Variants in FUBP3 observed in about 807,000 individuals in gnomAD.
The protein encoded by FUBP3 is far upstream element-binding protein 3.
Under a neutral mutation model 85.6 loss-of-function variants are expected in FUBP3, and 28 were observed. The ratio of observed to expected loss-of-function variants is 0.33; its 90% CI spans 0.24 to 0.45. FUBP3 has a LOEUF of 0.45. Among genes scored for constraint, FUBP3 ranks in the 20% least tolerant of loss-of-function variants. FUBP3 has a pLI of 1.00. For synonymous variants in FUBP3, 271 were observed against 271.4 expected, an observed-to-expected ratio of 1.00 and a Z score of 0.01; for missense variants, 583 against 755.1, an observed-to-expected ratio of 0.77 and a Z score of 2.67.
chr9:130,619,253 TTTAAC>T (rs58320065), intron 8 of FUBP3, among the ~76,000 whole-genome samples: 27,011 of 151,902 alleles, frequency 0.18, 2,478 homozygotes, highest in Admixed American at 0.22. Flanking sequence ...GGAAAATAAT[TTTAAC>T]TTAACGGGTT....
At chr9:130,614,491 G>T in intron 6 of FUBP3, 146 bp downstream of exon 6, 1 of 566,336 alleles carries the variant, frequency 1.8e-6, no homozygotes, top group Non-Finnish European at 3.2e-6. Context: ...AAAAAAATCT[G>T]GGAGGTTACT....
At chr9:130,624,012 T>C (rs530340827) in intron 11 of FUBP3, among the ~76,000 whole-genome samples, 170 of 151,250 alleles carry the variant, frequency 1.1e-3, no homozygotes, top group African/African-American at 3.7e-3. Context: ...AATAATCAAG[T>C]GTATTTAATG....
Position 130,636,007 on chromosome 9 carries a change from G to A in FUBP3, c.1591G>A (p.Ala531Thr), listed in dbSNP as rs773816008. 54 of 1,613,498 alleles carry A rather than the reference G, an allele frequency of 3.3e-5. No homozygotes were observed. In the Middle Eastern group the frequency reaches 4.9e-4, roughly 15 times the overall value. ...CCTCCTTTGTCAACCAGGTCACGCC[G>A]CCAGCGCTGCTCCTCAGGCCAGCTC... ...EDYYKKQSHA[A>T]SAAPQASSPP... Residue 531 changes from alanine (A) to threonine (T), a missense_variant, in exon 18 of 19, where the codon GCC (alanine) becomes ACC (threonine). Ala to Thr is a moderately conservative substitution (Grantham distance 58). Around this residue, in one of 3 missense-constraint regions of FUBP3, gnomAD observed 404 missense variants for 516.8 expected, o/e 0.78. Coordinates refer to ENST00000319725, the MANE Select transcript of FUBP3 (RefSeq NM_003934.2).
chr9:130,581,863 C>G (rs1478143785), intron 1 of FUBP3: 1 of 152,202 alleles, frequency 6.6e-6, no homozygotes, highest in East Asian at 1.9e-4. Flanking sequence ...GTAATACTCT[C>G]AGTTGACCCT....
chr9:130,612,368 A>G lies in FUBP3; in HGVS notation c.225-88A>G, dbSNP rs1831791336. 1.6e-5 allele frequency: 12 copies of G among 772,246 alleles called. No individual in the cohort carries two copies. In the South Asian group the frequency reaches 1.7e-4, roughly 11 times the overall value. The allele number at this position is 772,246 out of a possible 1,614,324, so 47.8% of individuals were successfully genotyped here. On this transcript the variant is annotated intron_variant, in intron 3 of 18. Coordinates refer to ENST00000319725, the MANE Select transcript of FUBP3 (RefSeq NM_003934.2). This position sits in a 1 kb window ranked among gnomAD's most constrained non-coding sequence, Gnocchi z 4.1. ...ATGTATTTTAAGCTTTTATCATGCA[A>G]CATTGCCAGTATGGGCAGTTTGGGG...
At chr9:130,597,498 T>C (rs1830931478) in intron 2 of FUBP3, among the ~76,000 whole-genome samples, 2 of 152,196 alleles carry the variant, frequency 1.3e-5, no homozygotes, top group Non-Finnish European at 2.9e-5. Context: ...TGCCTCTGCT[T>C]TTCTAAACTT....
intron 2 of FUBP3, among the ~76,000 whole-genome samples, chr9:130,606,823 G>GA (rs1021095992): frequency 1.9e-3 from 274 of 140,958 alleles, no homozygotes; most frequent in African/African-American, 5.0e-3. Flanking sequence ...TCTGTCTCAG[G>GA]AAAAAAAAAA....
At chr9:130,629,709 C>T (rs1401120020) in intron 12 of FUBP3, among the ~76,000 whole-genome samples, 6 of 152,140 alleles carry the variant, frequency 3.9e-5, no homozygotes, top group East Asian at 3.9e-4. Context: ...ACACTGGCCC[C>T]GGTCTTTGCT....
At position 130,618,382 on chromosome 9, in the gene FUBP3, C is replaced by T. The variant is rs113314074; in HGVS notation, c.666+487C>T. On this transcript the variant is annotated intron_variant, in intron 8 of 18. Transcript: ENST00000319725. ...CTCTTCTGGGCTTATTTTGCAAGCC[C>T]TTCAGCTAAGGTTGGAGGTGAGCAC... Among the ~76,000 whole-genome samples, 133 of 152,366 alleles carry T rather than the reference C, an allele frequency of 8.7e-4. 1 individual carries two copies. Among genetic ancestry groups the T allele is most frequent in the Middle Eastern group, 6.8e-3 (2 of 294 alleles).
chr9:130,607,422 G>A (rs981504949), intron 2 of FUBP3, among the ~76,000 whole-genome samples: 3 of 152,136 alleles, frequency 2.0e-5, no homozygotes, highest in African/African-American at 7.2e-5. Flanking sequence ...ACCTGTATAT[G>A]CTGGAATTGC....
intron 2 of FUBP3, among the ~76,000 whole-genome samples, chr9:130,599,359 ATGTG>A (rs10532542): frequency 0.019 from 2,875 of 148,880 alleles, 53 homozygotes; most frequent in African/African-American, 0.049. Flanking sequence ...ATATAAGTAT[ATGTG>A]TGTGTGTGTG....
In FUBP3 at chr9:130,631,908, C is replaced by T. The variant is rs779415899; in HGVS notation, c.1353-34C>T. On this transcript the variant is annotated intron_variant, in intron 14 of 18. Coordinates refer to ENST00000319725, the MANE Select transcript of FUBP3 (RefSeq NM_003934.2). ...AGGGGACGAGCCCTCTGTTGTGAGG[C>T]GCTCAGTCTGTTGTTTCTTTTACCT... 4.8e-6 allele frequency: 7 copies of T among 1,470,360 alleles called. No individual in the cohort carries two copies. The Admixed American group carries it at 5.0e-5, about 11-fold the overall frequency. The allele number at this position is 1,470,360 out of a possible 1,614,324, so 91.1% of individuals were successfully genotyped here. A position where few individuals can be genotyped will look rare whatever the true frequency, so the allele number is the denominator to read the frequency against.
At chr9:130,628,596 G>C (rs117286005) in intron 12 of FUBP3, among the ~76,000 whole-genome samples, 5,052 of 152,224 alleles carry the variant, frequency 0.033, 120 homozygotes, top group Non-Finnish European at 0.052. Flanking sequence ...GGGCCCAGTG[G>C]GGAGGGCCGG....
At chr9:130,595,221 C>T (rs1830811899) in intron 1 of FUBP3, among the ~76,000 whole-genome samples, 2 of 110,528 alleles carry the variant, frequency 1.8e-5, no homozygotes, top group Non-Finnish European at 1.8e-5. Context: ...AGCGAAACTC[C>T]GTCTCAAAAA....
At chr9:130,628,496 A>C (rs1268421766) in intron 12 of FUBP3, among the ~76,000 whole-genome samples, 1 of 152,232 alleles carries the variant, frequency 6.6e-6, no homozygotes, top group Admixed American at 6.5e-5. Flanking sequence ...ATTTTGAAGG[A>C]AGATGAACTT....
intron 8 of FUBP3, among the ~76,000 whole-genome samples, chr9:130,619,523 G>A (rs1318966442): frequency 6.6e-6 from 1 of 152,092 alleles, no homozygotes; most frequent in African/African-American, 2.4e-5. Context: ...ACATTATCTG[G>A]TATCCAGTAC....
chr9:130,589,374 C>T (rs918839362), intron 1 of FUBP3, among the ~76,000 whole-genome samples: 36 of 145,392 alleles, frequency 2.5e-4, no homozygotes, highest in African/African-American at 8.1e-4. Flanking sequence ...GATGGAGTCT[C>T]GCTCTTGTCC....
intron 5 of FUBP3, 124 bp from the exon 6 acceptor site, chr9:130,614,164 T>C (rs2119075599): frequency 3.4e-6 from 2 of 580,502 alleles, no homozygotes; most frequent in East Asian, 2.7e-5. Flanking sequence ...CAAACTGTCT[T>C]TTTCTGGGAG....
Position 130,637,263 on chromosome 9 carries a change from G to A in FUBP3, c.*241G>A, listed in dbSNP as rs1043098640. ...ATGTATAAGCTCTGGGATTCTTTTT[G>A]GAGCAATACCTACAAAGTCAGGCAC... On this transcript the variant is annotated 3_prime_UTR_variant, in exon 19 of 19. Coordinates refer to ENST00000319725, the MANE Select transcript of FUBP3 (RefSeq NM_003934.2). 2 of 537,522 alleles carry A rather than the reference G, an allele frequency of 3.7e-6. No homozygotes were observed. Among genetic ancestry groups the A allele is most frequent in the Admixed American group, 3.1e-5 (1 of 31,972 alleles). The allele number at this position is 537,522 out of a possible 1,614,324, so 33.3% of individuals were successfully genotyped here. A position where few individuals can be genotyped will look rare whatever the true frequency, so the allele number is the denominator to read the frequency against.
Sources: gnomAD v4.1 joint callset for allele counts (sites outside exome capture counted in the v4.1 genomes callset) on GRCh38, gnomAD v4.1.1 for gene constraint, gnomAD v4.1.1 regional missense constraint, Gnocchi (gnomAD v3.1) non-coding constraint, MANE v1.5 for transcripts, NCBI Gene and HGNC (gene_info 2026-07-23, HGNC 2026-07-21) for gene names.